The following KCNQ1OT1 variants were observed in gnomAD, a reference collection of about 807,000 sequenced individuals.
KCNQ1OT1 encodes the protein KCNQ1 antisense RNA 2 (non-protein coding).
chr11:2,682,555 A>G lies in KCNQ1OT1; in HGVS notation n.17440T>C. On this transcript the variant is annotated non_coding_transcript_exon_variant, in exon 1 of 1. Transcript: ENST00000597346. This position sits in a 1 kb window ranked among gnomAD's most constrained non-coding sequence, Gnocchi z 5.8. ...GTGCTAGGACCCTGGCAGGGGTTCC[A>G]TAAGGCTATGCTGGGGTTCAGGCAA... 5.0e-6 allele frequency: 2 copies of G among 398,584 alleles called. No individual in the cohort carries two copies. Among genetic ancestry groups the G allele is most frequent in the Non-Finnish European group, 4.4e-6 (1 of 226,092 alleles). The allele number at this position is 398,584 out of a possible 1,614,324, so 24.7% of individuals were successfully genotyped here.
exon 1 of KCNQ1OT1, chr11:2,675,276 T>A: frequency 2.5e-6 from 1 of 398,406 alleles, no homozygotes; most frequent in Non-Finnish European, 4.4e-6. Flanking sequence ...ATAACTCACC[T>A]CTCCCAAAAG....
rs963053575 is a variant in KCNQ1OT1, at chr11:2,651,477, G to A, written n.48518C>T. 1 of 398,716 alleles carries A rather than the reference G, an allele frequency of 2.5e-6. No individual in the cohort carries two copies. The highest frequency in any genetic ancestry group is 4.4e-6 in the Non-Finnish European group (1 of 226,138). 24.7% of individuals were successfully genotyped at this position (398,716 alleles called of 1,614,324 possible). ...GGTAGTGCTTATGAAAGTATCTGGT[G>A]GGCTTGCATTAAGAAGCTGTCAGTG... is the stretch of plus-strand genomic sequence containing the variant. On this transcript the variant is annotated non_coding_transcript_exon_variant, in exon 1 of 1. Transcript: ENST00000597346. This position sits in a 1 kb window ranked among gnomAD's most constrained non-coding sequence, Gnocchi z 6.1.
exon 1 of KCNQ1OT1, chr11:2,686,520 C>T (rs1469208481): frequency 2.3e-5 from 9 of 398,562 alleles, no homozygotes; most frequent in South Asian, 1.3e-4. Flanking sequence ...ACTCCCGTCA[C>T]GGAAATGACA....
In KCNQ1OT1 at chr11:2,626,847, A is replaced by G; in HGVS notation, n.73148T>C. 1 of 398,604 alleles carries G rather than the reference A, an allele frequency of 2.5e-6. No individual in the cohort carries two copies. The highest frequency in any genetic ancestry group is 4.4e-6 in the Non-Finnish European group (1 of 226,052). 24.7% of individuals were successfully genotyped at this position (398,604 alleles called of 1,614,324 possible). The stretch of plus-strand genomic sequence containing the variant: ...CTGGCCTGTAGTAAGTTTTCAAATC[A>G]GAAAGTGTGAGTCCTCCAATGTTGT... On this transcript the variant is annotated non_coding_transcript_exon_variant, in exon 1 of 1. Coordinates refer to ENST00000597346, the Ensembl canonical transcript of KCNQ1OT1. The surrounding 1 kb of genome is among the most constrained non-coding windows in gnomAD (Gnocchi z 4.0).
At chr11:2,666,209 A>G in exon 1 of KCNQ1OT1, 3 of 398,576 alleles carry the variant, frequency 7.5e-6, no homozygotes, top group Non-Finnish European at 8.8e-6. Context: ...CTCCAGAGGG[A>G]CACTCAGGGA....
At position 2,691,161 on chromosome 11, in the gene KCNQ1OT1, A is replaced by T; in HGVS notation, n.8834T>A. The T allele has an allele frequency of 2.5e-6, 1 of 398,638 alleles. No individual in the cohort carries two copies. The highest frequency in any genetic ancestry group is 1.3e-4 in the South Asian group (1 of 7,848). The allele number at this position is 398,638 out of a possible 1,614,324, so 24.7% of individuals were successfully genotyped here. Reference sequence around the variant, plus strand: ...AGTCTGTGCTGGCCTCTGGCCTCTCACAGCCTTGGGAGGGGTGCTCAGAGC... The same window carrying T: ...AGTCTGTGCTGGCCTCTGGCCTCTCTCAGCCTTGGGAGGGGTGCTCAGAGC... On this transcript the variant is annotated non_coding_transcript_exon_variant, in exon 1 of 1. Coordinates refer to ENST00000597346, the Ensembl canonical transcript of KCNQ1OT1. This position sits in a 1 kb window ranked among gnomAD's most constrained non-coding sequence, Gnocchi z 6.4.
exon 1 of KCNQ1OT1, chr11:2,610,737 T>TG: frequency 2.7e-6 from 1 of 365,638 alleles, no homozygotes; most frequent in Non-Finnish European, 4.7e-6. Context: ...TTTTTTTTTT[T>TG]TTTTTTTTAC....
chr11:2,632,229 G>GACTTA (rs1175302987), exon 1 of KCNQ1OT1: 1 of 392,750 alleles, frequency 2.5e-6, no homozygotes, highest in East Asian at 3.6e-5. Context: ...TTTGTGTACT[G>GACTTA]ACTTACTATC....
At chr11:2,644,021 T>G (rs1026268423) in exon 1 of KCNQ1OT1, 2 of 398,460 alleles carry the variant, frequency 5.0e-6, no homozygotes, top group South Asian at 2.5e-4. Context: ...TATCGCTGGT[T>G]TTATGATTCT....
In KCNQ1OT1 at chr11:2,617,272, T is replaced by G. The variant is rs1249990108; in HGVS notation, n.82723A>C. On this transcript the variant is annotated non_coding_transcript_exon_variant, in exon 1 of 1. Transcript: ENST00000597346. This position sits in a 1 kb window ranked among gnomAD's most constrained non-coding sequence, Gnocchi z 4.6. Reference sequence around the variant, plus strand: ...ATGGTAACCACTAGTTTATTCTATCTCTGTATATTTGACTTTTTTCTTTTT... The same window carrying G: ...ATGGTAACCACTAGTTTATTCTATCGCTGTATATTTGACTTTTTTCTTTTT... 1.0e-5 allele frequency: 4 copies of G among 398,348 alleles called. No homozygotes were observed. The highest frequency in any genetic ancestry group is 6.2e-4 in the Middle Eastern group (1 of 1,608). The allele number at this position is 398,348 out of a possible 1,614,324, so 24.7% of individuals were successfully genotyped here. A position where few individuals can be genotyped will look rare whatever the true frequency, so the allele number is the denominator to read the frequency against.
Position 2,627,896 on chromosome 11 carries a change from A to G in KCNQ1OT1, n.72099T>C, listed in dbSNP as rs933136761. The G allele has an allele frequency of 2.5e-6, 1 of 398,630 alleles. No homozygotes were observed. The highest frequency in any genetic ancestry group is 4.4e-6 in the Non-Finnish European group (1 of 226,156). 24.7% of individuals were successfully genotyped at this position (398,630 alleles called of 1,614,324 possible). On this transcript the variant is annotated non_coding_transcript_exon_variant, in exon 1 of 1. Coordinates refer to ENST00000597346, the Ensembl canonical transcript of KCNQ1OT1. The surrounding 1 kb of genome is among the most constrained non-coding windows in gnomAD (Gnocchi z 4.9). ...CTCCTGAGTAGCTGGGACCACAGTC[A>G]TGCACCCCCATGCCCAGCTAATTTT...
exon 1 of KCNQ1OT1, chr11:2,684,317 C>G: frequency 2.5e-6 from 1 of 398,654 alleles, no homozygotes; most frequent in Non-Finnish European, 4.4e-6. Flanking sequence ...CCTGCAGTCT[C>G]TCTCCTGAGG....
exon 1 of KCNQ1OT1, chr11:2,641,159 T>A (rs1029897913): frequency 2.5e-6 from 1 of 398,562 alleles, no homozygotes; most frequent in Non-Finnish European, 4.4e-6. Context: ...AGTATACTGA[T>A]ATCTTTTCCT....
chr11:2,699,921 T>C, exon 1 of KCNQ1OT1: 1 of 398,342 alleles, frequency 2.5e-6, no homozygotes, highest in Non-Finnish European at 4.4e-6. Flanking sequence ...AGAATCGCGC[T>C]GAGGGGCGCC....
rs140770541 is a variant in KCNQ1OT1 at position 2,652,215 on chromosome 11, G to A, written n.47780C>T. 40 of 398,490 alleles carry A rather than the reference G, an allele frequency of 1.0e-4. No homozygotes were observed. The highest frequency in any genetic ancestry group is 1.3e-4 in the Admixed American group (3 of 22,712). The allele number at this position is 398,490 out of a possible 1,614,324, so 24.7% of individuals were successfully genotyped here. On this transcript the variant is annotated non_coding_transcript_exon_variant, in exon 1 of 1. Transcript: ENST00000597346. This position sits in a 1 kb window ranked among gnomAD's most constrained non-coding sequence, Gnocchi z 5.9. ...GATTTGGTAGCCAGGGCCTGGAGCCGGATGCTGAGAATGAGGCCTGCAACT... is the reference window on the plus strand; with the variant it reads ...GATTTGGTAGCCAGGGCCTGGAGCCAGATGCTGAGAATGAGGCCTGCAACT...
exon 1 of KCNQ1OT1, chr11:2,681,280 A>G (rs1010190365): frequency 9.5e-5 from 38 of 398,402 alleles, no homozygotes; most frequent in African/African-American, 2.9e-4. Context: ...CTTTCTCCCT[A>G]TACCTTCCTG....
chr11:2,688,768 A>C, exon 1 of KCNQ1OT1: 1 of 398,828 alleles, frequency 2.5e-6, no homozygotes, highest in East Asian at 3.6e-5. Context: ...GTTTCCACCT[A>C]TACCACACCT....
At position 2,668,422 on chromosome 11, in the gene KCNQ1OT1, G is replaced by C. The variant is rs1850122874; in HGVS notation, n.31573C>G. On this transcript the variant is annotated non_coding_transcript_exon_variant, in exon 1 of 1. Coordinates refer to ENST00000597346, the Ensembl canonical transcript of KCNQ1OT1. The surrounding 1 kb of genome is among the most constrained non-coding windows in gnomAD (Gnocchi z 4.3). ...AGTCATTCCAATTTTCATTCCCACA[G>C]GCAGCATTCTGGCTGCTCCACATCC... 2.5e-6 allele frequency: 1 copy of C among 398,582 alleles called. No homozygotes were observed. The highest frequency in any genetic ancestry group is 3.6e-5 in the East Asian group (1 of 28,070). 24.7% of individuals were successfully genotyped at this position (398,582 alleles called of 1,614,324 possible).
chr11:2,688,601 A>ACT lies in KCNQ1OT1; in HGVS notation n.11392_11393dup, dbSNP rs1211896939. 1.8e-5 allele frequency: 7 copies of ACT among 398,528 alleles called. No individual in the cohort carries two copies. In the Admixed American group the frequency reaches 3.1e-4, roughly 18 times the overall value. 24.7% of individuals were successfully genotyped at this position (398,528 alleles called of 1,614,324 possible). On this transcript the variant is annotated non_coding_transcript_exon_variant, in exon 1 of 1. Coordinates refer to ENST00000597346, the Ensembl canonical transcript of KCNQ1OT1. ...CAGTGCTCGCTCACTGAGGCCAGGC[A>ACT]CTCATCTTGTGCTGTGCCTGGGTGA... is the stretch of plus-strand genomic sequence containing the variant.
Sources: gnomAD v4.1 joint callset for allele counts on GRCh38, gnomAD v4.1.1 for gene constraint, Gnocchi (gnomAD v3.1) non-coding constraint, MANE v1.5 for transcripts, NCBI Gene and HGNC (gene_info 2026-07-23, HGNC 2026-07-21) for gene names.